FAR2: variants seen among roughly 807,000 people sequenced by gnomAD.
The protein encoded by FAR2 is epididymis secretory protein Li 81.
Under a neutral mutation model 56.0 loss-of-function variants are expected in FAR2, and 19 were observed. The observed-to-expected ratio is 0.34, with a 90% CI of 0.24 to 0.50. The LOEUF (loss-of-function observed/expected upper bound fraction) is 0.50, where lower values mean the gene tolerates loss of function less well. Ranked by LOEUF, FAR2 falls within the 20% of genes least tolerant of loss-of-function variation. The pLI is 0.98. For synonymous variants in FAR2, 219 were observed against 218.8 expected, an observed-to-expected ratio of 1.00 and a Z score of -0.01; for missense variants, 508 against 642.2, an observed-to-expected ratio of 0.79 and a Z score of 2.26.
At chr12:29,152,179 C>T (rs1009002059) in intron 1 of FAR2, among the ~76,000 whole-genome samples, 1 of 152,202 alleles carries the variant, frequency 6.6e-6, no homozygotes, top group Non-Finnish European at 1.5e-5. Context: ...GGGTCTAATT[C>T]ATCCAAACGT....
At chr12:29,160,358 C>T (rs1316012518) in intron 1 of FAR2, among the ~76,000 whole-genome samples, 1 of 152,224 alleles carries the variant, frequency 6.6e-6, no homozygotes, top group African/African-American at 2.4e-5. Flanking sequence ...CATGGCTCTC[C>T]ATTCCCTACA....
chr12:29,216,337 T>C (rs563417833), intron 1 of FAR2, among the ~76,000 whole-genome samples: 1 of 152,232 alleles, frequency 6.6e-6, no homozygotes, highest in Non-Finnish European at 1.5e-5. Flanking sequence ...AATACTGTTA[T>C]GTTTTTATGT....
At chr12:29,213,411 C>T (rs894293488) in intron 1 of FAR2, among the ~76,000 whole-genome samples, 38 of 152,102 alleles carry the variant, frequency 2.5e-4, no homozygotes, top group African/African-American at 7.5e-4. Flanking sequence ...GTCTATCAGC[C>T]GGACGCGGTG....
chr12:29,155,492 T>C (rs1949718783), intron 1 of FAR2, among the ~76,000 whole-genome samples: 1 of 152,208 alleles, frequency 6.6e-6, no homozygotes, highest in East Asian at 1.9e-4. Context: ...CAGCTCTGTG[T>C]TCCAGCCCAG....
intron 2 of FAR2, 61 bp downstream of exon 2, chr12:29,270,699 A>C (rs748232090): frequency 1.4e-6 from 2 of 1,441,694 alleles, no homozygotes; most frequent in Non-Finnish European, 1.9e-6. Flanking sequence ...GATTCACTAC[A>C]ATGTTCTCTT....
At chr12:29,151,580 A>T (rs1949681824) in intron 1 of FAR2, 1 of 152,172 alleles carries the variant, frequency 6.6e-6, no homozygotes, top group Non-Finnish European at 1.5e-5. Context: ...GAGGCTCTGG[A>T]TCTTCATTTT....
intron 1 of FAR2, among the ~76,000 whole-genome samples, chr12:29,153,133 T>C (rs34690032): frequency 0.015 from 2,345 of 152,334 alleles, 44 homozygotes; most frequent in African/African-American, 0.048. Context: ...ACAAAGCAGA[T>C]GTGTTCCCTA....
chr12:29,239,699 G>A (rs1278145309), intron 1 of FAR2, among the ~76,000 whole-genome samples: 1 of 152,104 alleles, frequency 6.6e-6, no homozygotes, highest in Non-Finnish European at 1.5e-5. Flanking sequence ...TGCAAAGGCA[G>A]AGAAATATTA....
At chr12:29,207,433 A>G (rs1201235029) in intron 1 of FAR2, among the ~76,000 whole-genome samples, 1 of 152,186 alleles carries the variant, frequency 6.6e-6, no homozygotes. Context: ...GGTCACCAAG[A>G]GGCAGCAAAT....
intron 1 of FAR2, among the ~76,000 whole-genome samples, chr12:29,258,341 C>T (rs139548984): frequency 6.6e-4 from 101 of 152,002 alleles, no homozygotes; most frequent in Middle Eastern, 6.8e-3. Context: ...GGTGACAGAG[C>T]GAGACTCCAT....
At chr12:29,198,588 T>G (rs11050116) in intron 1 of FAR2, among the ~76,000 whole-genome samples, 27,426 of 152,082 alleles carry the variant, frequency 0.18, 2,573 homozygotes, top group Non-Finnish European at 0.21. Context: ...TCAGTAATGT[T>G]CATAGCTTTG....
chr12:29,256,136 T>A (rs1948312890), intron 1 of FAR2, among the ~76,000 whole-genome samples: 1 of 152,178 alleles, frequency 6.6e-6, no homozygotes, highest in Non-Finnish European at 1.5e-5. Context: ...CCTCCCAGAG[T>A]GCTAGGATTA....
At chr12:29,167,368 C>T (rs1253910404) in intron 1 of FAR2, among the ~76,000 whole-genome samples, 1 of 152,144 alleles carries the variant, frequency 6.6e-6, no homozygotes, top group African/African-American at 2.4e-5. Context: ...GCTCCAACCT[C>T]CCTCTTTTCC....
At chr12:29,277,051 C>T (rs1353396404) in intron 2 of FAR2, among the ~76,000 whole-genome samples, 2 of 152,178 alleles carry the variant, frequency 1.3e-5, no homozygotes, top group Non-Finnish European at 2.9e-5. Context: ...TATCTCAGCT[C>T]ACTGCAACCT....
chr12:29,309,618 TA>T (rs1188924901), intron 6 of FAR2, among the ~76,000 whole-genome samples: 1 of 152,194 alleles, frequency 6.6e-6, no homozygotes, highest in Non-Finnish European at 1.5e-5. Context: ...TTCTTGATTA[TA>T]AAACACATGT....
chr12:29,314,247 T>C (rs1207520380), intron 8 of FAR2, among the ~76,000 whole-genome samples: 1 of 152,164 alleles, frequency 6.6e-6, no homozygotes, highest in African/African-American at 2.4e-5. Flanking sequence ...GATTCAAATC[T>C]TAGCTCATTC....
chr12:29,269,531 G>C (rs939066108), intron 1 of FAR2, among the ~76,000 whole-genome samples: 1 of 152,160 alleles, frequency 6.6e-6, no homozygotes, highest in African/African-American at 2.4e-5. Context: ...AGGATTAAGA[G>C]ATTAAAGTAA....
At chr12:29,264,659 A>ATAAAGG (rs1555116340) in intron 1 of FAR2, among the ~76,000 whole-genome samples, 4 of 86,092 alleles carry the variant, frequency 4.6e-5, no homozygotes, top group African/African-American at 1.9e-4. Context: ...AAATAAATAA[A>ATAAAGG]GGAGAGAGAG....
intron 1 of FAR2, among the ~76,000 whole-genome samples, chr12:29,260,530 C>T (rs1485076165): frequency 6.6e-6 from 1 of 152,102 alleles, no homozygotes. Context: ...AGGTGAGATT[C>T]AGAGCTGTGC....
Sources: allele counts gnomAD v4.1 joint callset (sites outside exome capture counted in the v4.1 genomes callset), GRCh38; gene constraint gnomAD v4.1.1; transcripts MANE v1.5; gene names NCBI Gene and HGNC (gene_info 2026-07-23, HGNC 2026-07-21).